MARK2: variants seen among roughly 807,000 people sequenced by gnomAD.
MARK2 encodes the protein microtubule affinity regulating kinase 2, also known as serine/threonine-protein kinase MARK2.
MARK2 carries 16 observed loss-of-function variants against 89.8 expected under a neutral mutation model. The observed-to-expected ratio is 0.18, with a 90% CI of 0.12 to 0.27. The LOEUF (loss-of-function observed/expected upper bound fraction) is 0.27. MARK2 is among the 10% of genes least tolerant of loss of function. The pLI is 1.00. For missense variants in MARK2, 621 were observed against 1,049.9 expected (o/e 0.59, Z 5.65); for synonymous variants, 382 against 399.5 (o/e 0.96, Z 0.52).
chr11:63,888,470 G>A lies in MARK2; in HGVS notation c.55-6689G>A, dbSNP rs1939542596. ...CAGCAAAGCACCTTGGGGAGGGTGG[G>A]GCTGCCCACTTCCGGGGAGGGGGGG... is the stretch of plus-strand genomic sequence containing the variant. On this transcript the variant is annotated intron_variant, in intron 1 of 18. Transcript: ENST00000402010. The A allele has an allele frequency of 2.0e-6, 2 of 985,108 alleles. 1 individual carries two copies. The highest frequency in any genetic ancestry group is 1.1e-4 in the Admixed American group (2 of 18,504). 61.0% of individuals were successfully genotyped at this position (985,108 alleles called of 1,614,324 possible).
rs185207973 is a variant in MARK2, at chr11:63,908,153, G to A, written c.1962-107G>A. ...GCAGAGGGCCCTGGGCTTGGGTCCTGCCCACCCACTGGTGGCACCTCCCCA... is the reference window on the plus strand; with the variant it reads ...GCAGAGGGCCCTGGGCTTGGGTCCTACCCACCCACTGGTGGCACCTCCCCA... On this transcript the variant is annotated intron_variant, in intron 17 of 18. Coordinates refer to ENST00000402010, the MANE Select transcript of MARK2 (RefSeq NM_001039469.3). 1,135 of 1,007,766 alleles carry A rather than the reference G, an allele frequency of 1.1e-3. 10 individuals carry two copies. The African/African-American group carries it at 0.015, about 14-fold the overall frequency. 62.4% of individuals were successfully genotyped at this position (1,007,766 alleles called of 1,614,324 possible).
intron 1 of MARK2, among the ~76,000 whole-genome samples, chr11:63,893,725 A>G (rs1452345270): frequency 6.6e-6 from 1 of 152,202 alleles, no homozygotes; most frequent in Non-Finnish European, 1.5e-5. Context: ...AAACTTTTTG[A>G]GTGCCAGCAT....
intron 1 of MARK2, among the ~76,000 whole-genome samples, chr11:63,851,450 G>A (rs2016569102): frequency 6.6e-6 from 1 of 151,962 alleles, no homozygotes; most frequent in African/African-American, 2.4e-5. Flanking sequence ...ACTCATCAGG[G>A]GCTATTTCTT....
chr11:63,842,591 G>A (rs933753618), intron 1 of MARK2, among the ~76,000 whole-genome samples: 4 of 152,062 alleles, frequency 2.6e-5, no homozygotes, highest in Non-Finnish European at 4.4e-5. Context: ...ACTGGCCTCC[G>A]AGAATAGATC....
chr11:63,895,658 CTTTTTTTTTTTTTT>C (rs544118942), intron 3 of MARK2, 25 bp downstream of exon 3: 17,152 of 1,128,612 alleles, frequency 0.015, 71 homozygotes, highest in East Asian at 0.018. Flanking sequence ...CCTCCTGTCC[CTTTTTTTTTTTTTT>C]TTTTTTTTTT....
At chr11:63,885,782 C>T (rs948953176) in intron 1 of MARK2, among the ~76,000 whole-genome samples, 5 of 150,992 alleles carry the variant, frequency 3.3e-5, no homozygotes, top group Non-Finnish European at 7.4e-5. Flanking sequence ...TGCAGTGAGC[C>T]GAGATCGCAC....
chr11:63,857,554 T>G lies in MARK2; in HGVS notation c.54+17994T>G, dbSNP rs796955509. On this transcript the variant is annotated intron_variant, in intron 1 of 18. Transcript: ENST00000402010. ...TCAGGTAGACTTCCTTTGGTATATA[T>G]TTAGTTGTGGTTTGGAAAATAAGTT... Among the ~76,000 whole-genome samples the G allele has an allele frequency of 2.0e-5, 3 of 152,266 alleles. No individual in the cohort carries two copies. The South Asian group carries it at 6.2e-4, about 31-fold the overall frequency.
At chr11:63,883,467 C>T (rs1356232565) in intron 1 of MARK2, among the ~76,000 whole-genome samples, 3 of 152,200 alleles carry the variant, frequency 2.0e-5, no homozygotes, top group African/African-American at 7.2e-5. Context: ...CCAGAGAACC[C>T]TTGGAGAGGG....
intron 3 of MARK2, among the ~76,000 whole-genome samples, chr11:63,895,843 T>C (rs944843234): frequency 7.2e-5 from 11 of 151,932 alleles, no homozygotes; most frequent in Admixed American, 3.3e-4. Flanking sequence ...CTAAGTTTTG[T>C]ATTTTTAGTA....
intron 1 of MARK2, among the ~76,000 whole-genome samples, chr11:63,844,470 C>G (rs2016179380): frequency 6.6e-6 from 1 of 152,018 alleles, no homozygotes; most frequent in Non-Finnish European, 1.5e-5. Flanking sequence ...GGTGACAGAG[C>G]AAGACACTAT....
At position 63,910,462 on chromosome 11, in the gene MARK2, C is replaced by T. The variant is rs1269934598; in HGVS notation, c.*1225C>T. 1 of 152,178 alleles carries T rather than the reference C, an allele frequency of 6.6e-6. No homozygotes were observed. The highest frequency in any genetic ancestry group is 2.4e-5 in the African/African-American group (1 of 41,444). The allele number at this position is 152,178 out of a possible 1,614,324, so 9.4% of individuals were successfully genotyped here. A position where few individuals can be genotyped will look rare whatever the true frequency, so the allele number is the denominator to read the frequency against. ...TAAGCGACTCCCAGCTTGCTACCCTCAGTGGCCAGTGTGGGCGTGGGCGGT... is the reference window on the plus strand; with the variant it reads ...TAAGCGACTCCCAGCTTGCTACCCTTAGTGGCCAGTGTGGGCGTGGGCGGT... On this transcript the variant is annotated 3_prime_UTR_variant, in exon 19 of 19. Coordinates refer to ENST00000402010, the MANE Select transcript of MARK2 (RefSeq NM_001039469.3).
At chr11:63,890,878 G>T (rs1445963456) in intron 1 of MARK2, among the ~76,000 whole-genome samples, 4 of 152,218 alleles carry the variant, frequency 2.6e-5, no homozygotes, top group Admixed American at 1.3e-4. Flanking sequence ...GCTTGTACGT[G>T]GGGGAGCCAG....
In MARK2 at chr11:63,909,771, C is replaced by A; in HGVS notation, c.*534C>A. 1 of 152,788 alleles carries A rather than the reference C, an allele frequency of 6.5e-6. No homozygotes were observed. 9.5% of individuals were successfully genotyped at this position (152,788 alleles called of 1,614,324 possible). ...CTCCCCTCTCCTCCCTCCTTCCCCT[C>A]CAAGCAAACCACCAGAGGTGGCCTT... On this transcript the variant is annotated 3_prime_UTR_variant, in exon 19 of 19. Coordinates refer to ENST00000402010, the MANE Select transcript of MARK2 (RefSeq NM_001039469.3).
intron 1 of MARK2, among the ~76,000 whole-genome samples, chr11:63,892,304 A>G (rs1277139327): frequency 1.3e-5 from 2 of 152,210 alleles, no homozygotes; most frequent in East Asian, 1.9e-4. Flanking sequence ...GCCTGCAGCT[A>G]CCATGCAAAG....
At chr11:63,908,508 T>C (rs1941531192) in intron 18 of MARK2, among the ~76,000 whole-genome samples, 1 of 152,182 alleles carries the variant, frequency 6.6e-6, no homozygotes, top group Non-Finnish European at 1.5e-5. Context: ...AGGTCTGGTA[T>C]ATTCTGGAAG....
chr11:63,868,813 G>T (rs1297290760), intron 1 of MARK2: 1 of 455,948 alleles, frequency 2.2e-6, no homozygotes, highest in Non-Finnish European at 4.4e-6. Flanking sequence ...GAGATCATGT[G>T]GTCTGTCAGA....
At chr11:63,859,172 T>C (rs1315078840) in intron 1 of MARK2, among the ~76,000 whole-genome samples, 1 of 152,184 alleles carries the variant, frequency 6.6e-6, no homozygotes, top group African/African-American at 2.4e-5. Flanking sequence ...AGAACCTTGG[T>C]GCCTACAATA....
chr11:63,874,660 G>A (rs999592169), intron 1 of MARK2, among the ~76,000 whole-genome samples: 1 of 152,176 alleles, frequency 6.6e-6, no homozygotes, highest in African/African-American at 2.4e-5. Flanking sequence ...TGTGCGCAGG[G>A]TTTGCCCCCT....
At position 63,860,833 on chromosome 11, in the gene MARK2, C is replaced by T. The variant is rs372585014; in HGVS notation, c.54+21273C>T. Among the ~76,000 whole-genome samples the T allele has an allele frequency of 1.6e-4, 24 of 151,322 alleles. No individual in the cohort carries two copies. In the East Asian group the frequency reaches 2.7e-3, roughly 17 times the overall value. On this transcript the variant is annotated intron_variant, in intron 1 of 18. Transcript: ENST00000402010. ...AGATCACGCCACTGCACTCCAGCCTCGGTGACCGAGTGAGACTCCATCTCA... is the reference window on the plus strand; with the variant it reads ...AGATCACGCCACTGCACTCCAGCCTTGGTGACCGAGTGAGACTCCATCTCA...
Sources: allele counts gnomAD v4.1 joint callset (sites outside exome capture counted in the v4.1 genomes callset), GRCh38; gene constraint gnomAD v4.1.1; transcripts MANE v1.5; gene names NCBI Gene and HGNC (gene_info 2026-07-23, HGNC 2026-07-21).